PMFBP1: variants seen among roughly 807,000 people sequenced by gnomAD.
PMFBP1 encodes the protein polyamine-modulated factor 1-binding protein 1.
PMFBP1 carries 131 observed loss-of-function variants against 137.8 expected under a neutral mutation model. The observed-to-expected ratio is 0.95, with a 90% confidence interval of 0.82 to 1.10. PMFBP1 has a LOEUF of 1.10. Among genes scored for constraint, PMFBP1 ranks in the 50% least tolerant of loss-of-function variants. The probability of loss-of-function intolerance (pLI) is 0.00; values close to 1 mark genes in which losing one functional copy is unlikely to be tolerated. For missense variants in PMFBP1, 1,199 were observed against 1,175.4 expected (o/e 1.02, Z -0.29); for synonymous variants, 490 against 450.4 (o/e 1.09, Z -1.11).
downstream of PMFBP1, among the ~76,000 whole-genome samples, chr16:72,117,427 C>T (rs570262969): frequency 6.6e-6 from 1 of 152,140 alleles, no homozygotes; most frequent in Middle Eastern, 3.4e-3. Context: ...TCTGTAGAGT[C>T]TTTAGGGTTT....
chr16:72,186,229 T>G, the PMFBP1 span, among the ~76,000 whole-genome samples: 1 of 152,172 alleles, frequency 6.6e-6, no homozygotes, highest in African/African-American at 2.4e-5. Context: ...CAGAATAACT[T>G]TTCTCTCATT....
the PMFBP1 span, among the ~76,000 whole-genome samples, chr16:72,200,962 G>C: frequency 1.3e-5 from 2 of 152,168 alleles, no homozygotes; most frequent in African/African-American, 4.8e-5. Flanking sequence ...GCCGTGGGGG[G>C]TCCCTGGGTG....
the PMFBP1 span, among the ~76,000 whole-genome samples, chr16:72,237,263 C>G: frequency 1.3e-5 from 2 of 152,128 alleles, no homozygotes; most frequent in African/African-American, 4.8e-5. Flanking sequence ...TGGTTCTGCT[C>G]TCTGGGGAAA....
At chr16:72,214,536 C>A in the PMFBP1 span, among the ~76,000 whole-genome samples, 1 of 152,100 alleles carries the variant, frequency 6.6e-6, no homozygotes, top group South Asian at 2.1e-4. Flanking sequence ...GTATGTGAGG[C>A]CAAATTCCAT....
chr16:72,204,368 C>A, the PMFBP1 span, among the ~76,000 whole-genome samples: 44 of 152,122 alleles, frequency 2.9e-4, no homozygotes, highest in East Asian at 6.8e-3. Flanking sequence ...CACCACCGCA[C>A]GTTGCTAGTT....
chr16:72,204,993 A>G, the PMFBP1 span, among the ~76,000 whole-genome samples: 1 of 152,238 alleles, frequency 6.6e-6, no homozygotes, highest in African/African-American at 2.4e-5. Context: ...ATCAAATCAC[A>G]TCCTAGCCTG....
chr16:72,119,058 A>G (rs2042338330), downstream of PMFBP1: 1 of 381,154 alleles, frequency 2.6e-6, no homozygotes, highest in African/African-American at 2.1e-5. Context: ...ATTGCGGGGC[A>G]GAAATGTCTG....
upstream of PMFBP1, among the ~76,000 whole-genome samples, chr16:72,177,352 C>T (rs143454473): frequency 6.6e-6 from 1 of 152,306 alleles, no homozygotes; most frequent in African/African-American, 2.4e-5. Flanking sequence ...CAGAGCTAAT[C>T]CTCACAGCAG....
the PMFBP1 span, among the ~76,000 whole-genome samples, chr16:72,240,141 T>C: frequency 6.6e-6 from 1 of 152,080 alleles, no homozygotes; most frequent in East Asian, 1.9e-4. Context: ...GATGCAAAAA[T>C]ACCTAACAGG....
At chr16:72,128,850 A>C (rs551094786) in intron 13 of PMFBP1, 56 bp from the exon 14 acceptor site, 2 of 1,605,798 alleles carry the variant, frequency 1.2e-6, no homozygotes, top group African/African-American at 2.7e-5. Flanking sequence ...TCAGATAACT[A>C]TAAAAGCCCC....
At chr16:72,135,300 C>A (rs1181875245) in intron 9 of PMFBP1, among the ~76,000 whole-genome samples, 3 of 151,912 alleles carry the variant, frequency 2.0e-5, no homozygotes, top group Non-Finnish European at 4.4e-5. Context: ...CTCAGCCTCC[C>A]AAGTAGCTGG....
At chr16:72,208,070 T>C in the PMFBP1 span, among the ~76,000 whole-genome samples, 1 of 152,166 alleles carries the variant, frequency 6.6e-6, no homozygotes, top group Admixed American at 6.5e-5. Context: ...ACTGATAGGG[T>C]GAGACCCACT....
chr16:72,198,955 C>A, the PMFBP1 span, among the ~76,000 whole-genome samples: 1 of 152,106 alleles, frequency 6.6e-6, no homozygotes, highest in Non-Finnish European at 1.5e-5. Flanking sequence ...AAGTTAGCAG[C>A]GTCATCGATC....
Position 72,171,284 on chromosome 16 carries a change from T to C in PMFBP1, c.-60-16A>G. 6.7e-7 allele frequency: 1 copy of C among 1,500,078 alleles called. No homozygotes were observed. The highest frequency in any genetic ancestry group is 1.1e-5 in the South Asian group (1 of 88,426). The allele number at this position is 1,500,078 out of a possible 1,614,324, so 92.9% of individuals were successfully genotyped here. ...TGTTATAAACCTGAAAAAGTCCAAG[T>C]ATTTAAGATGGAAAAAGTATAAATG... On this transcript the variant is annotated splice_polypyrimidine_tract_variant and intron_variant, in intron 1 of 20. Transcript: ENST00000237353.
chr16:72,196,390 G>T, the PMFBP1 span, among the ~76,000 whole-genome samples: 4 of 152,180 alleles, frequency 2.6e-5, no homozygotes, highest in African/African-American at 4.8e-5. Context: ...CTCTGGCCAG[G>T]TTTTTTTCTT....
intron 9 of PMFBP1, among the ~76,000 whole-genome samples, chr16:72,135,714 A>T (rs567537298): frequency 8.8e-4 from 120 of 135,930 alleles, no homozygotes; most frequent in African/African-American, 3.0e-3. Context: ...CTATTTACAT[A>T]TTCATAAGAT....
chr16:72,241,599 G>T, the PMFBP1 span, among the ~76,000 whole-genome samples: 1 of 152,122 alleles, frequency 6.6e-6, no homozygotes, highest in East Asian at 1.9e-4. Flanking sequence ...CTTCATGGGG[G>T]TGGGTTCAGT....
intron 19 of PMFBP1, 38 bp from the exon 20 acceptor site, chr16:72,120,127 T>C: frequency 6.2e-7 from 1 of 1,613,806 alleles, no homozygotes; most frequent in African/African-American, 1.3e-5. Flanking sequence ...GTGTTGGGGC[T>C]GCTGGCTCTG....
At chr16:72,234,308 C>G in the PMFBP1 span, among the ~76,000 whole-genome samples, 3 of 152,264 alleles carry the variant, frequency 2.0e-5, no homozygotes, top group Admixed American at 6.5e-5. Context: ...CACAAACTAT[C>G]TGGGACTTGT....
Sources: gnomAD v4.1 joint callset for allele counts (sites outside exome capture counted in the v4.1 genomes callset) on GRCh38, gnomAD v4.1.1 for gene constraint, MANE v1.5 for transcripts, NCBI Gene and HGNC (gene_info 2026-07-23, HGNC 2026-07-21) for gene names.